CNP: variants seen among roughly 807,000 people sequenced by gnomAD.
CNP encodes the protein 2',3'-cyclic nucleotide 3' phosphodiesterase, also known as 2',3'-cyclic-nucleotide 3'-phosphodiesterase.
CNP carries 8 observed loss-of-function variants against 37.9 expected under a neutral mutation model. The observed-to-expected ratio is 0.21, with a 90% CI of 0.12 to 0.38. The LOEUF is 0.38. Among genes scored for constraint, CNP ranks in the 10% least tolerant of loss-of-function variants. CNP has a pLI of 1.00. For missense variants in CNP, 457 were observed against 551.0 expected (o/e 0.83, Z 1.71); for synonymous variants, 237 against 238.3 (o/e 0.99, Z 0.05).
rs1292794780 is a variant in CNP, at chr17:41,974,175, G to T, written c.*251G>T. 3.2e-5 allele frequency: 10 copies of T among 312,064 alleles called. No homozygotes were observed. Among genetic ancestry groups the T allele is most frequent in the Non-Finnish European group, 5.2e-5 (9 of 171,716 alleles). The allele number at this position is 312,064 out of a possible 1,614,324, so 19.3% of individuals were successfully genotyped here. A position where few individuals can be genotyped will look rare whatever the true frequency, so the allele number is the denominator to read the frequency against. On this transcript the variant is annotated 3_prime_UTR_variant, in exon 4 of 4. Coordinates refer to ENST00000393892, the MANE Select transcript of CNP (RefSeq NM_033133.5). ...AGGAACCTGGACCAAAGCTGACGAG[G>T]CTGGGCCAAGCCAGGGATGGGGCCA...
chr17:41,971,795 T>G (rs2144565975), intron 2 of CNP, 97 bp from the exon 3 acceptor site: 2 of 1,505,362 alleles, frequency 1.3e-6, no homozygotes, highest in South Asian at 1.2e-5. Context: ...TGATGCTTAG[T>G]GTCCGAGTGT....
rs782035059 is a variant in CNP, at chr17:41,966,872, G to T, written c.-13G>T. ...TGCCGGCAGAGGCGGCGACGGTGGC[G>T]CCCCTCCTCATCATGGTGAGAGGCC... On this transcript the variant is annotated 5_prime_UTR_variant, in exon 1 of 4. Transcript: ENST00000393892. 20 of 1,353,266 alleles carry T rather than the reference G, an allele frequency of 1.5e-5. No individual in the cohort carries two copies. In the Admixed American group the frequency reaches 1.8e-4, roughly 12 times the overall value. 83.8% of individuals were successfully genotyped at this position (1,353,266 alleles called of 1,614,324 possible).
intron 2 of CNP, among the ~76,000 whole-genome samples, chr17:41,970,009 T>C (rs1555643561): frequency 1.3e-5 from 2 of 152,222 alleles, no homozygotes; most frequent in African/African-American, 2.4e-5. Context: ...TGCAGTGAAC[T>C]GTGGTGCTTG....
rs1162550225 is a variant in CNP at position 41,971,814 on chromosome 17, G to C, written c.677-78G>C. On this transcript the variant is annotated intron_variant, in intron 2 of 3. Transcript: ENST00000393892. ...GCTTAGTGTCCGAGTGTTTTGCGCT[G>C]GGCCTCGGTGGTCCTGGTGGCGGAT... 7 of 1,583,206 alleles carry C rather than the reference G, an allele frequency of 4.4e-6. No individual in the cohort carries two copies. In the African/African-American group the frequency reaches 5.4e-5, roughly 12 times the overall value.
rs1282358721 is a variant in CNP, at chr17:41,968,838, A to G, written c.676+98A>G. On this transcript the variant is annotated intron_variant, in intron 2 of 3. Transcript: ENST00000393892. The surrounding 1 kb of genome is among the most constrained non-coding windows in gnomAD (Gnocchi z 4.8). ...GTACTCAAAGGATGGAGCACGAAGC[A>G]GCAGGAGGCAGAGAGAGGCTCACCT... is the stretch of plus-strand genomic sequence containing the variant. The G allele has an allele frequency of 7.3e-7, 1 of 1,365,796 alleles. No individual in the cohort carries two copies. The highest frequency in any genetic ancestry group is 2.5e-5 in the East Asian group (1 of 39,974). 84.6% of individuals were successfully genotyped at this position (1,365,796 alleles called of 1,614,324 possible). A position where few individuals can be genotyped will look rare whatever the true frequency, so the allele number is the denominator to read the frequency against.
intron 2 of CNP, among the ~76,000 whole-genome samples, chr17:41,969,445 G>A (rs1555643483): frequency 6.6e-6 from 1 of 152,226 alleles, no homozygotes; most frequent in East Asian, 1.9e-4. Flanking sequence ...TCCAATGATA[G>A]GTTTGAGATA....
chr17:41,969,130 G>A (rs2050947286), intron 2 of CNP, among the ~76,000 whole-genome samples: 1 of 152,112 alleles, frequency 6.6e-6, no homozygotes, highest in South Asian at 2.1e-4. Flanking sequence ...GTTTTCCAAC[G>A]CATTTTTAGC....
In CNP at chr17:41,973,553, C is replaced by T. The variant is rs530005161; in HGVS notation, c.895C>T (p.Arg299Trp). ...LFVTPKTTGARVELSEQQLQL... is the reference protein window; with the variant it reads ...LFVTPKTTGAWVELSEQQLQL... The stretch of plus-strand genomic sequence containing the variant: ...TGTGACACCCAAGACGACTGGGGCC[C>T]GGGTGGAGTTAAGCGAGCAGCAACT... Residue 299 changes from arginine (R) to tryptophan (W), a missense_variant, in exon 4 of 4, where the codon CGG (arginine) becomes TGG (tryptophan). Transcript: ENST00000393892. The T allele has an allele frequency of 2.5e-5, 41 of 1,614,156 alleles. No homozygotes were observed. Among genetic ancestry groups the T allele is most frequent in the South Asian group, 6.6e-5 (6 of 91,084 alleles).
Position 41,977,373 on chromosome 17 carries a change from G to GA in CNP, c.*3452dup. The GA allele has an allele frequency of 6.7e-7, 1 of 1,494,248 alleles. No individual in the cohort carries two copies. The highest frequency in any genetic ancestry group is 1.4e-5 in the African/African-American group (1 of 71,920). 92.6% of individuals were successfully genotyped at this position (1,494,248 alleles called of 1,614,324 possible). On this transcript the variant is annotated 3_prime_UTR_variant, in exon 4 of 4. Coordinates refer to ENST00000393892, the MANE Select transcript of CNP (RefSeq NM_033133.5). ...GAAGGGAAGAAAAGGTGAAAAATTA[G>GA]AAATGTTCGAAGAGAACTGATGACA...
In CNP at chr17:41,974,288, G is replaced by A. The variant is rs41280078; in HGVS notation, c.*364G>A. 1.3e-3 allele frequency: 230 copies of A among 172,012 alleles called. No individual in the cohort carries two copies. The highest frequency in any genetic ancestry group is 2.5e-3 in the Non-Finnish European group (200 of 81,574). The allele number at this position is 172,012 out of a possible 1,614,324, so 10.7% of individuals were successfully genotyped here. ...GCTCTGCCCAGAGCTGGGTGAGTGG[G>A]GAGACACCTCAGAGCCCCGCAAAAC... is the stretch of plus-strand genomic sequence containing the variant. On this transcript the variant is annotated 3_prime_UTR_variant, in exon 4 of 4. Transcript: ENST00000393892.
intron 3 of CNP, 132 bp from the exon 4 acceptor site, chr17:41,973,343 C>T (rs868913692): frequency 6.6e-5 from 56 of 850,516 alleles, no homozygotes; most frequent in African/African-American, 2.2e-4. Flanking sequence ...GGGCCTATAC[C>T]GACCCCTGCT....
intron 3 of CNP, among the ~76,000 whole-genome samples, chr17:41,972,503 TGCACCACACA>T (rs1436023274): frequency 3.3e-5 from 5 of 152,286 alleles, no homozygotes; most frequent in Admixed American, 3.3e-4. Flanking sequence ...GAGACCTTTC[TGCACCACACA>T]GCTGGCACCT....
chr17:41,969,914 C>T (rs1449450348), intron 2 of CNP, among the ~76,000 whole-genome samples: 1 of 152,172 alleles, frequency 6.6e-6, no homozygotes, highest in Non-Finnish European at 1.5e-5. Flanking sequence ...GGTTTGTTGA[C>T]ATTGTGTATA....
intron 3 of CNP, 26 bp downstream of exon 3, chr17:41,972,057 G>A: frequency 6.2e-7 from 1 of 1,609,964 alleles, no homozygotes; most frequent in Non-Finnish European, 8.5e-7. Flanking sequence ...GGACACATGG[G>A]GGAGGTGGGA....
chr17:41,971,621 A>C (rs2050991326), intron 2 of CNP: 1 of 265,400 alleles, frequency 3.8e-6, no homozygotes, highest in Non-Finnish European at 7.3e-6. Flanking sequence ...GCTGGTCTTG[A>C]ATTCCTGACC....
At position 41,973,736 on chromosome 17, in the gene CNP, C is replaced by T. The variant is rs201266482; in HGVS notation, c.1078C>T (p.Arg360Ter). The stretch of plus-strand genomic sequence containing the variant: ...TCTGCGGCAGGAGAAGGGGGGCAGC[C>T]GAGGCGAGGAGGTGGGCGAGCTAAG... The part of the protein sequence containing the change: ...EILRQEKGGS[R>*]GEEVGELSRG... Residue 360 changes from arginine (R) to a stop codon, truncating the protein, a stop_gained, in exon 4 of 4, where the codon CGA becomes TGA. Coordinates refer to ENST00000393892, the MANE Select transcript of CNP (RefSeq NM_033133.5). LOFTEE classifies it high-confidence loss of function. 13 of 1,611,554 alleles carry T rather than the reference C, an allele frequency of 8.1e-6. No homozygotes were observed. Among genetic ancestry groups the T allele is most frequent in the East Asian group, 2.2e-5 (1 of 44,820 alleles).
At position 41,968,159 on chromosome 17, in the gene CNP, T is replaced by G; in HGVS notation, c.95T>G (p.Leu32Arg). The change falls in exon 2 of 4, where the codon CTG becomes CGG. Residue 32 changes from leucine to arginine, a missense_variant. Physicochemically the swap from Leu to Arg is moderately radical, Grantham distance 102. Transcript: ENST00000393892. The surrounding 1 kb of genome is among the most constrained non-coding windows in gnomAD (Gnocchi z 4.8). ...TCAGGGGCCAAGGACAAGCCTGAGC[T>G]GCAGTTTCCCTTCCTTCAGGATGAG... ...SSSGAKDKPE[L>R]QFPFLQDEDT... The G allele has an allele frequency of 6.2e-7, 1 of 1,614,264 alleles. No individual in the cohort carries two copies. The highest frequency in any genetic ancestry group is 8.5e-7 in the Non-Finnish European group (1 of 1,180,052).
chr17:41,975,317 G>C lies in CNP; in HGVS notation c.*1393G>C, dbSNP rs2051060363. 1 of 152,704 alleles carries C rather than the reference G, an allele frequency of 6.5e-6. No individual in the cohort carries two copies. Among genetic ancestry groups the C allele is most frequent in the Admixed American group, 6.5e-5 (1 of 15,274 alleles). The allele number at this position is 152,704 out of a possible 1,614,324, so 9.5% of individuals were successfully genotyped here. Reference sequence around the variant, plus strand: ...GCCGGGCACAGCTGTGGTGAGGTTGGGCAGCTGAACAGTGTTGGCTTTCAT... The same window carrying C: ...GCCGGGCACAGCTGTGGTGAGGTTGCGCAGCTGAACAGTGTTGGCTTTCAT... On this transcript the variant is annotated 3_prime_UTR_variant, in exon 4 of 4. Coordinates refer to ENST00000393892, the MANE Select transcript of CNP (RefSeq NM_033133.5).
rs1555644499 is a variant in CNP, at chr17:41,974,903, C to A, written c.*979C>A. 2 of 152,318 alleles carry A rather than the reference C, an allele frequency of 1.3e-5. No homozygotes were observed. The allele number at this position is 152,318 out of a possible 1,614,324, so 9.4% of individuals were successfully genotyped here. A position where few individuals can be genotyped will look rare whatever the true frequency, so the allele number is the denominator to read the frequency against. On this transcript the variant is annotated 3_prime_UTR_variant, in exon 4 of 4. Coordinates refer to ENST00000393892, the MANE Select transcript of CNP (RefSeq NM_033133.5). The stretch of plus-strand genomic sequence containing the variant: ...GCCTCTGGAGGCCTCTGGGCCTCCT[C>A]TAACAGGGGCTGGTGGGCACCAAGA...
Sources: allele counts gnomAD v4.1 joint callset (sites outside exome capture counted in the v4.1 genomes callset), GRCh38; gene constraint gnomAD v4.1.1; non-coding constraint Gnocchi (gnomAD v3.1); transcripts MANE v1.5; gene names NCBI Gene and HGNC (gene_info 2026-07-23, HGNC 2026-07-21).